The following ABCC6 variants were observed in gnomAD, a reference collection of about 807,000 sequenced individuals.
ABCC6 encodes ATP-binding cassette sub-family C member 6.
In ABCC6, 126 loss-of-function variants were observed where a neutral mutation model predicts 169.5. The ratio of observed to expected loss-of-function variants is 0.74; its 90% CI spans 0.64 to 0.86. The LOEUF is 0.86. ABCC6 is among the 40% of genes least tolerant of loss of function. The pLI is 0.00. For missense variants in ABCC6, 1,733 were observed against 1,927.2 expected (o/e 0.90, Z 1.89); for synonymous variants, 752 against 814.7 (o/e 0.92, Z 1.31).
intron 6 of ABCC6, among the ~76,000 whole-genome samples, chr16:16,209,540 G>T (rs1596737568): frequency 6.6e-6 from 1 of 151,970 alleles, no homozygotes. Context: ...GGAATCAGAA[G>T]TCCGTTGACC....
At chr16:16,178,671 G>T in intron 18 of ABCC6, 127 bp downstream of exon 18, 2 of 1,089,380 alleles carry the variant, frequency 1.8e-6, no homozygotes, top group South Asian at 1.2e-5. Flanking sequence ...AGCAAAAGCT[G>T]ACCAATACAA....
intron 11 of ABCC6, among the ~76,000 whole-genome samples, chr16:16,191,913 C>T (rs1257965765): frequency 5.3e-5 from 8 of 152,186 alleles, no homozygotes; most frequent in Admixed American, 2.6e-4. Context: ...CAATCAGTGG[C>T]CTGTGCTGTT....
At chr16:16,159,636 G>T (rs1470465174) in intron 25 of ABCC6, 53 bp from the exon 26 acceptor site, 2 of 1,538,436 alleles carry the variant, frequency 1.3e-6, no homozygotes, top group African/African-American at 2.7e-5. Context: ...TTGAGGGCTT[G>T]CAACAGCCCC....
intron 27 of ABCC6, among the ~76,000 whole-genome samples, chr16:16,156,364 G>C (rs1421604139): frequency 6.6e-6 from 1 of 152,216 alleles, no homozygotes; most frequent in African/African-American, 2.4e-5. Flanking sequence ...AGGATCAATA[G>C]GAGTTCAAGG....
At chr16:16,200,815 T>C (rs148915177) in intron 9 of ABCC6, among the ~76,000 whole-genome samples, 16 of 151,246 alleles carry the variant, frequency 1.1e-4, no homozygotes, top group African/African-American at 3.4e-4. Flanking sequence ...CCAATAGCTC[T>C]TGGGGCAGCA....
chr16:16,191,349 C>T (rs561028123), intron 11 of ABCC6, among the ~76,000 whole-genome samples: 10 of 152,198 alleles, frequency 6.6e-5, no homozygotes, highest in Admixed American at 2.0e-4. Flanking sequence ...CTCCTGACCT[C>T]AGGTGATCTG....
Position 16,178,945 on chromosome 16 carries a change from G to A in ABCC6, c.2268C>T (p.Gly756=). 1 of 1,613,040 alleles carries A rather than the reference G, an allele frequency of 6.2e-7. No individual in the cohort carries two copies. Among genetic ancestry groups the A allele is most frequent in the Non-Finnish European group, 8.5e-7 (1 of 1,180,028 alleles). ...GGGCCAGGCTCAGCCGCTGCTTCTGGCCTCCGGAGAGATTCATGCCCTGTG... is the reference window on the plus strand; with the variant it reads ...GGGCCAGGCTCAGCCGCTGCTTCTGACCTCCGGAGAGATTCATGCCCTGTG... ...IGEQGMNLSG[G]QKQRLSLARA... is the part of the protein sequence containing the mutation. Residue 756 remains glycine (G), a synonymous_variant, in exon 18 of 31, where the codon GGC becomes GGT. Transcript: ENST00000205557.
intron 10 of ABCC6, among the ~76,000 whole-genome samples, chr16:16,197,721 G>T (rs139236707): frequency 7.0e-6 from 1 of 142,510 alleles, no homozygotes; most frequent in Admixed American, 7.0e-5. Context: ...CAAGAGGAGG[G>T]GGGCAGGAGG....
intron 12 of ABCC6, 62 bp from the exon 13 acceptor site, chr16:16,189,036 T>C: frequency 6.3e-7 from 1 of 1,590,778 alleles, no homozygotes; most frequent in Non-Finnish European, 8.6e-7. Context: ...TAGGGCAGCC[T>C]GGGCAAGCTG....
Position 16,150,070 on chromosome 16 carries a change from T to C in ABCC6, c.*63A>G. ...GAGCTATCGATGACCACGGGTCACT[T>C]CCATCTCCAGCACTGCAGGCTGTGC... On this transcript the variant is annotated 3_prime_UTR_variant, in exon 31 of 31. Coordinates refer to ENST00000205557, the MANE Select transcript of ABCC6 (RefSeq NM_001171.6). The C allele has an allele frequency of 6.2e-7, 1 of 1,603,222 alleles. No homozygotes were observed. The highest frequency in any genetic ancestry group is 8.5e-7 in the Non-Finnish European group (1 of 1,175,660).
intron 29 of ABCC6, among the ~76,000 whole-genome samples, chr16:16,153,203 C>A (rs1440348748): frequency 2.0e-5 from 3 of 152,146 alleles, no homozygotes; most frequent in Admixed American, 6.5e-5. Context: ...CCGCGCCCAG[C>A]CACTTTGGTT....
Position 16,208,192 on chromosome 16 carries a change from C to T in ABCC6, c.794+536G>A, listed in dbSNP as rs533954430. On this transcript the variant is annotated intron_variant, in intron 7 of 30. Transcript: ENST00000205557. The stretch of plus-strand genomic sequence containing the variant: ...CCCCATTTGTAGGAACCTGTTTGTT[C>T]CCCGTTTGTAGGAACCTGTGATGCG... 9.9e-5 allele frequency among the ~76,000 whole-genome samples: 15 copies of T among 152,176 alleles called. No individual in the cohort carries two copies. The South Asian group carries it at 1.7e-3, about 17-fold the overall frequency.
At chr16:16,154,271 A>G (rs1285380561) in intron 29 of ABCC6, among the ~76,000 whole-genome samples, 1 of 152,162 alleles carries the variant, frequency 6.6e-6, no homozygotes, top group African/African-American at 2.4e-5. Context: ...ACCAAAAAAA[A>G]AAATCCTATA....
chr16:16,222,794 G>A (rs1452449056), intron 1 of ABCC6, among the ~76,000 whole-genome samples: 1 of 151,848 alleles, frequency 6.6e-6, no homozygotes. Context: ...TACTCCTCCT[G>A]GTTTCACAAC....
chr16:16,177,619 A>G lies in ABCC6; in HGVS notation c.2423T>C (p.Ile808Thr). ...PGGLLQGTTR[I>T]LVTHALHILP... ...GATGTGGAGTGCGTGCGTCACGAGAATCCGTGTCTGGGCAGGGAAGGGGTA... is the reference window on the plus strand; with the variant it reads ...GATGTGGAGTGCGTGCGTCACGAGAGTCCGTGTCTGGGCAGGGAAGGGGTA... Residue 808 changes from isoleucine (I) to threonine (T), a missense_variant, in exon 19 of 31, where the codon ATT (isoleucine) becomes ACT (threonine). Around this residue, in one of 5 missense-constraint regions of ABCC6, gnomAD observed 1,601 missense variants for 1,635.5 expected, o/e 0.98. Transcript: ENST00000205557. The G allele has an allele frequency of 6.2e-7, 1 of 1,614,168 alleles. No homozygotes were observed. The highest frequency in any genetic ancestry group is 8.5e-7 in the Non-Finnish European group (1 of 1,180,032).
Position 16,198,048 on chromosome 16 carries a change from G to A in ABCC6, c.1311C>T (p.Ile437=), listed in dbSNP as rs150075392. The A allele has an allele frequency of 2.9e-5, 47 of 1,614,036 alleles. No individual in the cohort carries two copies. The highest frequency in any genetic ancestry group is 3.1e-5 in the Non-Finnish European group (37 of 1,180,042). Reference sequence around the variant, plus strand: ...GCCAGAGATAGACGAAGCAGACCACGATCCAGACGAGAGGCAGCCACAGCC... The same window carrying A: ...GCCAGAGATAGACGAAGCAGACCACAATCCAGACGAGAGGCAGCCACAGCC... The part of the protein sequence containing the change: ...LNGLWLPLVW[I]VVCFVYLWQL... The change falls in exon 10 of 31, where the codon ATC becomes ATT. Residue 437 remains isoleucine, a synonymous_variant. Transcript: ENST00000205557.
intron 11 of ABCC6, among the ~76,000 whole-genome samples, chr16:16,190,978 A>G (rs1314449458): frequency 6.6e-6 from 1 of 150,898 alleles, no homozygotes; most frequent in Non-Finnish European, 1.5e-5. Flanking sequence ...AGGGAATAGC[A>G]TGACTCAGAG....
At chr16:16,152,594 A>G (rs936051096) in intron 29 of ABCC6, among the ~76,000 whole-genome samples, 2 of 151,976 alleles carry the variant, frequency 1.3e-5, no homozygotes, top group African/African-American at 4.8e-5. Flanking sequence ...TGTTTCAACA[A>G]CTTTGTGCAT....
intron 13 of ABCC6, 25 bp downstream of exon 13, chr16:16,188,806 G>A: frequency 6.2e-7 from 1 of 1,608,642 alleles, no homozygotes; most frequent in Non-Finnish European, 8.5e-7. Context: ...TCCCAGGATG[G>A]CTCCAGCCCT....
Sources: allele counts gnomAD v4.1 joint callset (sites outside exome capture counted in the v4.1 genomes callset), GRCh38; gene constraint gnomAD v4.1.1; regional missense constraint gnomAD v4.1.1; transcripts MANE v1.5; gene names NCBI Gene and HGNC (gene_info 2026-07-23, HGNC 2026-07-21).